The following CFAP46 variants were observed in gnomAD, a reference collection of about 807,000 sequenced individuals.
CFAP46 encodes cilia and flagella associated protein 46.
In CFAP46, 245 loss-of-function variants were observed where a neutral mutation model predicts 325.7. The observed-to-expected ratio is 0.75, with a 90% CI of 0.68 to 0.84. The LOEUF (loss-of-function observed/expected upper bound fraction) is 0.84. CFAP46 is among the 40% of genes least tolerant of loss of function. The probability of loss-of-function intolerance (pLI) is 0.00; values close to 1 mark genes in which losing one functional copy is unlikely to be tolerated. For missense variants in CFAP46, 3,346 were observed against 3,543.0 expected (o/e 0.94, Z 1.41); for synonymous variants, 1,523 against 1,495.9 (o/e 1.02, Z -0.42).
At position 132,876,716 on chromosome 10, in the gene CFAP46, TG is replaced by T; in HGVS notation, c.4362+95del. ...GGACTCTGTCCTGTCCTCCTTTTTC[TG>T]GCTACAGTTCACAGTGAAAACTGGA... On this transcript the variant is annotated intron_variant, in intron 31 of 57. Transcript: ENST00000368586. This position sits in a 1 kb window ranked among gnomAD's most constrained non-coding sequence, Gnocchi z 4.1. 1 of 1,304,904 alleles carries T rather than the reference TG, an allele frequency of 7.7e-7. No homozygotes were observed. The highest frequency in any genetic ancestry group is 1.0e-6 in the Non-Finnish European group (1 of 964,534). The allele number at this position is 1,304,904 out of a possible 1,614,324, so 80.8% of individuals were successfully genotyped here. A position where few individuals can be genotyped will look rare whatever the true frequency, so the allele number is the denominator to read the frequency against.
intron 44 of CFAP46, among the ~76,000 whole-genome samples, chr10:132,844,742 CGGGA>C (rs946145788): frequency 5.3e-5 from 8 of 152,266 alleles, no homozygotes; most frequent in African/African-American, 1.9e-4. Flanking sequence ...TGCAGCCGTG[CGGGA>C]GGGAGAGCCA....
intron 8 of CFAP46, among the ~76,000 whole-genome samples, chr10:132,931,656 ACTCCCCACACAGAGCCTGGGCCTTCTTC>A (rs1849906281): frequency 1.3e-5 from 1 of 78,318 alleles, no homozygotes; most frequent in Non-Finnish European, 2.5e-5. Context: ...GCCTCCCTAC[ACTCCCCACACAGAGCCTGGGCCTTCTTC>A]CTCCCCACAC....
chr10:132,814,781 G>A (rs776756217), intron 51 of CFAP46, 35 bp from the exon 52 acceptor site: 12 of 1,613,350 alleles, frequency 7.4e-6, no homozygotes, highest in South Asian at 1.1e-5. Flanking sequence ...AGGTGCAGGG[G>A]CCAGGAGCCT....
In CFAP46 at chr10:132,893,928, TTGC is replaced by T. The variant is rs1178494410; in HGVS notation, c.3220-1514_3220-1512del. 2.2e-3 allele frequency among the ~76,000 whole-genome samples: 335 copies of T among 151,968 alleles called. 6 individuals are homozygous for T. In the South Asian group the frequency reaches 0.054, roughly 24 times the overall value. ...GAGGTTGCTGCAGCCCCCTGTGGGT[TTGC>T]CACTGGTAACACACTTTGAGGTTGC... On this transcript the variant is annotated intron_variant, in intron 24 of 57. Transcript: ENST00000368586.
chr10:132,854,426 C>T (rs1848609705), intron 39 of CFAP46, among the ~76,000 whole-genome samples: 1 of 152,174 alleles, frequency 6.6e-6, no homozygotes, highest in Non-Finnish European at 1.5e-5. Context: ...AAGCTCTTCC[C>T]CCCCAGGTTC....
intron 9 of CFAP46, chr10:132,929,126 C>T (rs1849852614): frequency 4.5e-6 from 1 of 223,842 alleles, no homozygotes; most frequent in Non-Finnish European, 8.9e-6. Context: ...TAGTCCGAAA[C>T]CCGATTATAC....
chr10:132,821,470 T>G (rs1174242614), intron 50 of CFAP46, among the ~76,000 whole-genome samples: 1 of 135,272 alleles, frequency 7.4e-6, no homozygotes, highest in Non-Finnish European at 1.5e-5. Context: ...TGCTGATGTG[T>G]GTTGTGTGTG....
intron 3 of CFAP46, 25 bp downstream of exon 3, chr10:132,941,566 A>T (rs769524834): frequency 3.6e-5 from 57 of 1,605,374 alleles, no homozygotes; most frequent in Non-Finnish European, 4.9e-5. Context: ...ACTGTTGGGG[A>T]TAAGGGGCAC....
At position 132,939,652 on chromosome 10, in the gene CFAP46, C is replaced by T. The variant is rs1850066834; in HGVS notation, c.372-899G>A. Among the ~76,000 whole-genome samples the T allele has an allele frequency of 6.6e-6, 1 of 152,192 alleles. No homozygotes were observed. On this transcript the variant is annotated intron_variant, in intron 4 of 57. Coordinates refer to ENST00000368586, the MANE Select transcript of CFAP46 (RefSeq NM_001200049.3). The surrounding 1 kb of genome is among the most constrained non-coding windows in gnomAD (Gnocchi z 4.6). ...AGGACTCATCCTGTTTCCAGGTTTT[C>T]AGGAGAGGAGCGGAGGTGCGGGGTG...
At position 132,867,459 on chromosome 10, in the gene CFAP46, T is replaced by A; in HGVS notation, c.4659A>T (p.Leu1553Phe). ...TCAGTGCTGGCAGGCTTTCTTCTAA[T>A]AAAGGCTCCTTATTTTTCTCTTTTT... ...ALKKEKNKEP[L>F]LEESLPALNE... The change falls in exon 34 of 58, where the codon TTA (leucine) becomes TTT (phenylalanine). Residue 1553 changes from leucine to phenylalanine, a missense_variant. By Grantham distance (22) the Leu-to-Phe change is conservative. Transcript: ENST00000368586. The A allele has an allele frequency of 1.3e-6, 2 of 1,550,538 alleles. No homozygotes were observed. Among genetic ancestry groups the A allele is most frequent in the Non-Finnish European group, 1.7e-6 (2 of 1,146,990 alleles).
In CFAP46 at chr10:132,938,741, C is replaced by T. The variant is rs772993953; in HGVS notation, c.384G>A (p.Leu128=). ...FAKGEPRYYF[L]VYNASVLYWQ... Reference sequence around the variant, plus strand: ...AGTAGAGGACTGATGCATTGTACACCAAAAAGTAGTACCTGCGGCGCGAGC... The same window carrying T: ...AGTAGAGGACTGATGCATTGTACACTAAAAAGTAGTACCTGCGGCGCGAGC... Residue 128 remains leucine (L), a synonymous_variant, in exon 5 of 58, where the codon TTG becomes TTA. Transcript: ENST00000368586. 2 of 1,612,274 alleles carry T rather than the reference C, an allele frequency of 1.2e-6. No homozygotes were observed. The highest frequency in any genetic ancestry group is 2.2e-5 in the South Asian group (2 of 90,936).
Position 132,828,053 on chromosome 10 carries a change from C to T in CFAP46, c.7117+5305G>A, listed in dbSNP as rs1037390161. 6.6e-6 allele frequency among the ~76,000 whole-genome samples: 1 copy of T among 152,232 alleles called. No individual in the cohort carries two copies. The highest frequency in any genetic ancestry group is 6.5e-5 in the Admixed American group (1 of 15,290). ...CTCATTGCCGGGCAGGACCCCACCACGTGGCCGCACCCCAATGTGCTCATC... is the reference window on the plus strand; with the variant it reads ...CTCATTGCCGGGCAGGACCCCACCATGTGGCCGCACCCCAATGTGCTCATC... On this transcript the variant is annotated intron_variant, in intron 50 of 57. Transcript: ENST00000368586. This position sits in a 1 kb window ranked among gnomAD's most constrained non-coding sequence, Gnocchi z 4.9.
At chr10:132,809,216 C>T (rs1847530107) in intron 57 of CFAP46, among the ~76,000 whole-genome samples, 1 of 152,216 alleles carries the variant, frequency 6.6e-6, no homozygotes, top group African/African-American at 2.4e-5. Context: ...GTGGCTGCGG[C>T]CTTGCAGGAA....
chr10:132,883,258 T>C (rs1430259107), intron 27 of CFAP46, among the ~76,000 whole-genome samples: 2 of 152,174 alleles, frequency 1.3e-5, no homozygotes, highest in African/African-American at 2.4e-5. Flanking sequence ...GCATCCACGA[T>C]ACACCATGAG....
chr10:132,934,409 C>T (rs10870210), intron 8 of CFAP46, among the ~76,000 whole-genome samples: 9,647 of 152,264 alleles, frequency 0.063, 363 homozygotes, highest in South Asian at 0.088. Flanking sequence ...AGCACAGAAT[C>T]CAAACAAACC....
chr10:132,931,045 CCCACACAGAGCCTGGGCCTCCCTCCTCT>C (rs2135686422), intron 8 of CFAP46, among the ~76,000 whole-genome samples: 1 of 118,086 alleles, frequency 8.5e-6, no homozygotes, highest in Non-Finnish European at 1.8e-5. Flanking sequence ...CCCCACACTC[CCCACACAGAGCCTGGGCCTCCCTCCTCT>C]CCACACAGAG....
intron 50 of CFAP46, among the ~76,000 whole-genome samples, chr10:132,816,366 C>G (rs1341030164): frequency 7.1e-6 from 1 of 141,156 alleles, no homozygotes; most frequent in Non-Finnish European, 1.5e-5. Context: ...GAGTCTCGCT[C>G]TGTCGCCCAG....
chr10:132,869,183 G>T lies in CFAP46; in HGVS notation c.4610+91C>A. ...CTCTCCCCAGAGGGGCAGGAGTCCA[G>T]GGAAGAGGGTGGCCGCGCAGCTGGC... is the stretch of plus-strand genomic sequence containing the variant. On this transcript the variant is annotated intron_variant, in intron 33 of 57. Coordinates refer to ENST00000368586, the MANE Select transcript of CFAP46 (RefSeq NM_001200049.3). This position sits in a 1 kb window ranked among gnomAD's most constrained non-coding sequence, Gnocchi z 6.2. 1 of 1,085,722 alleles carries T rather than the reference G, an allele frequency of 9.2e-7. No homozygotes were observed. The highest frequency in any genetic ancestry group is 1.7e-5 in the South Asian group (1 of 58,844). The allele number at this position is 1,085,722 out of a possible 1,614,324, so 67.3% of individuals were successfully genotyped here. A position where few individuals can be genotyped will look rare whatever the true frequency, so the allele number is the denominator to read the frequency against.
intron 44 of CFAP46, among the ~76,000 whole-genome samples, chr10:132,840,779 A>C (rs1038913044): frequency 6.6e-6 from 1 of 152,044 alleles, no homozygotes; most frequent in Non-Finnish European, 1.5e-5. Flanking sequence ...TTCCTGCTTT[A>C]TGTCACCGTG....
Sources: gnomAD v4.1 joint callset for allele counts (sites outside exome capture counted in the v4.1 genomes callset) on GRCh38, gnomAD v4.1.1 for gene constraint, Gnocchi (gnomAD v3.1) non-coding constraint, MANE v1.5 for transcripts, NCBI Gene and HGNC (gene_info 2026-07-23, HGNC 2026-07-21) for gene names.